DMTN: variants seen among roughly 807,000 people sequenced by gnomAD.
DMTN encodes dematin actin binding protein.
A neutral mutation model predicts 59.4 loss-of-function variants in DMTN; 27 were observed. That is an observed-to-expected ratio of 0.45 (90% CI 0.33 to 0.63). The LOEUF is 0.63. DMTN is among the 20% of genes least tolerant of loss of function. The pLI, the probability that DMTN is intolerant of heterozygous loss-of-function variation, is 0.02. For synonymous variants in DMTN, 221 were observed against 203.7 expected, an observed-to-expected ratio of 1.08 and a Z score of -0.72; for missense variants, 451 against 528.9, an observed-to-expected ratio of 0.85 and a Z score of 1.45.
In DMTN at chr8:22,072,311, G is replaced by C; in HGVS notation, c.605-15G>C. On this transcript the variant is annotated splice_polypyrimidine_tract_variant and intron_variant, in intron 8 of 15. Transcript: ENST00000358242. Reference sequence around the variant, plus strand: ...GGCGAGTGACTCCCTCCCCACCTTTGCTTGTGTCTCCTAGAGACAGAATGG... The same window carrying C: ...GGCGAGTGACTCCCTCCCCACCTTTCCTTGTGTCTCCTAGAGACAGAATGG... 1 of 1,591,358 alleles carries C rather than the reference G, an allele frequency of 6.3e-7. No individual in the cohort carries two copies.
intron 10 of DMTN, among the ~76,000 whole-genome samples, chr8:22,076,364 G>A (rs908728565): frequency 3.3e-5 from 5 of 152,118 alleles, no homozygotes; most frequent in African/African-American, 1.2e-4. Flanking sequence ...CAGCACTTTG[G>A]AAGGCTGAGG....
upstream of DMTN, among the ~76,000 whole-genome samples, chr8:22,049,916 T>C (rs557288798): frequency 6.6e-6 from 1 of 151,910 alleles, no homozygotes; most frequent in East Asian, 1.9e-4. Flanking sequence ...CCAGTGAAAA[T>C]GGGAGGTGGG....
At chr8:22,071,548 C>T (rs1815513898) in intron 8 of DMTN, among the ~76,000 whole-genome samples, 1 of 151,992 alleles carries the variant, frequency 6.6e-6, no homozygotes, top group African/African-American at 2.4e-5. Flanking sequence ...GTGCCCACCA[C>T]CACACCTGGC....
In DMTN at chr8:22,060,596, T is replaced by A. The variant is rs1006237373; in HGVS notation, c.-172+3460T>A. Among the ~76,000 whole-genome samples the A allele has an allele frequency of 6.6e-6, 1 of 152,234 alleles. No homozygotes were observed. The highest frequency in any genetic ancestry group is 2.4e-5 in the African/African-American group (1 of 41,454). ...ATGCCCCACAAGGGGTAAGACAAAA[T>A]TTCTGCCTCTGTGGAAATAATTTAT... On this transcript the variant is annotated intron_variant, in intron 1 of 15. Coordinates refer to ENST00000358242, the MANE Select transcript of DMTN (RefSeq NM_001387751.1). This position sits in a 1 kb window ranked among gnomAD's most constrained non-coding sequence, Gnocchi z 5.0.
intron 10 of DMTN, among the ~76,000 whole-genome samples, chr8:22,078,798 GTTTTT>G (rs1224977627): frequency 1.2e-5 from 1 of 85,092 alleles, no homozygotes; most frequent in East Asian, 4.3e-4. Context: ...ATGTCAGACT[GTTTTT>G]TTTTTTTTTT....
In DMTN at chr8:22,079,301, T is replaced by TATATATATATATATATATATA. The variant is rs199745360; in HGVS notation, c.836-879_836-878insATATATATATATATATATATA. On this transcript the variant is annotated intron_variant, in intron 10 of 15. Coordinates refer to ENST00000358242, the MANE Select transcript of DMTN (RefSeq NM_001387751.1). The stretch of plus-strand genomic sequence containing the variant: ...AAATATATATATATATATATATATA[T>TATATATATATATATATATATA]TAGCTGGGTTTGATGGCGCATGCCC... 8.0e-4 allele frequency among the ~76,000 whole-genome samples: 68 copies of TATATATATATATATATATATA among 84,840 alleles called. 3 individuals carry two copies. Among genetic ancestry groups the TATATATATATATATATATATA allele is most frequent in the African/African-American group, 1.0e-3 (20 of 19,702 alleles). The allele number at this position is 84,840 out of a possible 152,430, so 55.7% of individuals were successfully genotyped here.
chr8:22,073,648 A>G lies in DMTN; in HGVS notation c.730-82A>G, dbSNP rs868580269. 3,577 of 773,490 alleles carry G rather than the reference A, an allele frequency of 4.6e-3. 128 individuals are homozygous for G. The African/African-American group carries it at 0.15, about 32-fold the overall frequency. 47.9% of individuals were successfully genotyped at this position (773,490 alleles called of 1,614,324 possible). A position where few individuals can be genotyped will look rare whatever the true frequency, so the allele number is the denominator to read the frequency against. On this transcript the variant is annotated intron_variant, in intron 9 of 15. Transcript: ENST00000358242. ...CCTGTCTCAAAAAAAAAAAAAAAAA[A>G]AAAAGAAAGAAAAAAAAAAAGAGAA...
chr8:22,069,359 G>A, intron 5 of DMTN, 60 bp from the exon 6 acceptor site: 3 of 1,405,832 alleles, frequency 2.1e-6, no homozygotes, highest in South Asian at 1.2e-5. Flanking sequence ...GAGCTGATGG[G>A]GTGCATGTGT....
chr8:22,073,477 A>G (rs1427777706), intron 9 of DMTN, among the ~76,000 whole-genome samples: 2 of 151,434 alleles, frequency 1.3e-5, no homozygotes, highest in African/African-American at 4.9e-5. Flanking sequence ...AAAAAAAACA[A>G]TTAGCTAGCT....
chr8:22,073,888 C>A, intron 10 of DMTN, 53 bp downstream of exon 10: 1 of 1,454,692 alleles, frequency 6.9e-7, no homozygotes, highest in Non-Finnish European at 9.7e-7. Context: ...GGAGGCCTGA[C>A]TCTGTGCATC....
Position 22,067,451 on chromosome 8 carries a change from G to C in DMTN, c.94-76G>C, listed in dbSNP as rs953532917. On this transcript the variant is annotated intron_variant, in intron 3 of 15. Coordinates refer to ENST00000358242, the MANE Select transcript of DMTN (RefSeq NM_001387751.1). ...GCGGTCCATTTTCTTGGTAATTGAC[G>C]TAAGTCTAGCTAGCAGGGCCAGTGT... The C allele has an allele frequency of 2.0e-5, 31 of 1,568,262 alleles. No homozygotes were observed. In the African/African-American group the frequency reaches 4.1e-4, roughly 21 times the overall value.
chr8:22,051,746 C>T (rs1801375466), upstream of DMTN, among the ~76,000 whole-genome samples: 1 of 152,170 alleles, frequency 6.6e-6, no homozygotes, highest in Non-Finnish European at 1.5e-5. Flanking sequence ...GGCCAGACCT[C>T]ACTGGGATCT....
chr8:22,078,883 G>A (rs1169149059), intron 10 of DMTN, among the ~76,000 whole-genome samples: 1 of 134,656 alleles, frequency 7.4e-6, no homozygotes, highest in Non-Finnish European at 1.5e-5. Flanking sequence ...TGCAAGGTCC[G>A]CCTCCCAGGT....
upstream of DMTN, among the ~76,000 whole-genome samples, chr8:22,051,957 C>T (rs1441427919): frequency 6.6e-6 from 1 of 152,226 alleles, no homozygotes; most frequent in Non-Finnish European, 1.5e-5. Flanking sequence ...TCGGCCCTAG[C>T]CCCACAACTC....
intron 1 of DMTN, among the ~76,000 whole-genome samples, chr8:22,059,665 A>T (rs997555752): frequency 2.6e-5 from 4 of 152,178 alleles, no homozygotes; most frequent in African/African-American, 7.2e-5. Context: ...ATTTTTGCTC[A>T]TCTCTAAATG....
chr8:22,069,047 C>G lies in DMTN; in HGVS notation c.281C>G (p.Pro94Arg). ...CTGTCACCCAAATCCACATCCCCCC[C>G]ACCATCCCCAGAGGTGAGTCTGCCC... ...RSLSPKSTSP[P>R]PSPEVWADSR... is the part of the protein sequence containing the mutation. Residue 94 changes from proline to arginine, a missense_variant, in exon 5 of 16, where the codon CCA (proline) becomes CGA (arginine). Pro to Arg is a moderately radical substitution (Grantham distance 103). Transcript: ENST00000358242. 4 of 1,612,688 alleles carry G rather than the reference C, an allele frequency of 2.5e-6. No individual in the cohort carries two copies. Among genetic ancestry groups the G allele is most frequent in the Middle Eastern group, 1.7e-4 (1 of 6,050 alleles).
upstream of DMTN, among the ~76,000 whole-genome samples, chr8:22,051,916 A>G (rs1402661563): frequency 1.3e-5 from 2 of 151,014 alleles, no homozygotes; most frequent in African/African-American, 4.9e-5. Context: ...CATCTTTAAG[A>G]CTCCTGTCCA....
At chr8:22,078,012 A>G (rs907342050) in intron 10 of DMTN, among the ~76,000 whole-genome samples, 5 of 152,140 alleles carry the variant, frequency 3.3e-5, no homozygotes, top group African/African-American at 1.2e-4. Flanking sequence ...TGTTAGGGGT[A>G]AAAATGAGGT....
chr8:22,069,021 G>T lies in DMTN; in HGVS notation c.255G>T (p.Ser85=). The change falls in exon 5 of 16, where the codon TCG becomes TCT. Residue 85 remains serine, a synonymous_variant. Transcript: ENST00000358242. ...AGCCCCCTCTCCATTCACAGCGCTCGCTGTCACCCAAATCCACATCCCCCC... is the reference window on the plus strand; with the variant it reads ...AGCCCCCTCTCCATTCACAGCGCTCTCTGTCACCCAAATCCACATCCCCCC... ...HVELPRSRER[S]LSPKSTSPPP... is the part of the protein sequence containing the mutation. 6.8e-6 allele frequency: 11 copies of T among 1,612,584 alleles called. No individual in the cohort carries two copies. Among genetic ancestry groups the T allele is most frequent in the Non-Finnish European group, 9.3e-6 (11 of 1,179,246 alleles).
Sources: allele counts gnomAD v4.1 joint callset (sites outside exome capture counted in the v4.1 genomes callset), GRCh38; gene constraint gnomAD v4.1.1; non-coding constraint Gnocchi (gnomAD v3.1); transcripts MANE v1.5; gene names NCBI Gene and HGNC (gene_info 2026-07-23, HGNC 2026-07-21).